NFATC2: variants seen among roughly 807,000 people sequenced by gnomAD.
NFATC2 encodes nuclear factor of activated T cells 2, also known as nuclear factor of activated T-cells, cytoplasmic 2.
Under a neutral mutation model 87.3 loss-of-function variants are expected in NFATC2, and 22 were observed. The ratio of observed to expected loss-of-function variants is 0.25; its 90% CI spans 0.18 to 0.36. NFATC2 has a LOEUF of 0.36. Among genes scored for constraint, NFATC2 ranks in the 10% least tolerant of loss-of-function variants. The probability of loss-of-function intolerance (pLI) is 1.00; values close to 1 mark genes in which losing one functional copy is unlikely to be tolerated. For synonymous variants in NFATC2, 565 were observed against 542.2 expected (o/e 1.04, Z -0.58); for missense variants, 1,149 against 1,259.1 (o/e 0.91, Z 1.32).
chr20:51,543,758 C>T (rs2076861710), upstream of NFATC2, among the ~76,000 whole-genome samples: 1 of 152,110 alleles, frequency 6.6e-6, no homozygotes, highest in African/African-American at 2.4e-5. Context: ...GTACATTTGG[C>T]AAACACTGCA....
At chr20:51,530,059 A>T (rs2076608060) in intron 1 of NFATC2, among the ~76,000 whole-genome samples, 1 of 152,156 alleles carries the variant, frequency 6.6e-6, no homozygotes, top group Non-Finnish European at 1.5e-5. Flanking sequence ...CATTTCCAAG[A>T]CCCCAGAAAG....
At chr20:51,443,173 C>CG (rs1555877920) in intron 6 of NFATC2, among the ~76,000 whole-genome samples, 12 of 152,148 alleles carry the variant, frequency 7.9e-5, no homozygotes, top group East Asian at 3.9e-4. Context: ...GGAGACCCCC[C>CG]CTTCATCCTA....
chr20:51,527,501 G>A (rs989598493), intron 1 of NFATC2, among the ~76,000 whole-genome samples: 11 of 151,436 alleles, frequency 7.3e-5, no homozygotes, highest in Middle Eastern at 3.2e-3. Context: ...CCCTTCCCTC[G>A]ACCTCGAGAT....
At chr20:51,416,226 C>A (rs1258710183) in intron 9 of NFATC2, among the ~76,000 whole-genome samples, 1 of 152,146 alleles carries the variant, frequency 6.6e-6, no homozygotes, top group Non-Finnish European at 1.5e-5. Context: ...CACACCGCTG[C>A]ACTCCAGTCT....
chr20:51,495,769 C>G (rs995843031), intron 3 of NFATC2, among the ~76,000 whole-genome samples: 1 of 152,154 alleles, frequency 6.6e-6, no homozygotes, highest in Non-Finnish European at 1.5e-5. Flanking sequence ...AGAGAGCTCA[C>G]GTCCCATGCA....
intron 3 of NFATC2, among the ~76,000 whole-genome samples, chr20:51,507,852 G>A (rs1402983532): frequency 6.6e-6 from 1 of 152,210 alleles, no homozygotes; most frequent in Non-Finnish European, 1.5e-5. Flanking sequence ...TTCCTTGCCT[G>A]TAAAATGAGC....
rs573889557 is a variant in NFATC2 at position 51,399,849 on chromosome 20, C to A, written c.2723-1119G>T. Among the ~76,000 whole-genome samples, 3 of 152,286 alleles carry A rather than the reference C, an allele frequency of 2.0e-5. No homozygotes were observed. In the South Asian group the frequency reaches 6.2e-4, roughly 32 times the overall value. On this transcript the variant is annotated intron_variant, in intron 9 of 10. Coordinates refer to ENST00000371564, the MANE Select transcript of NFATC2 (RefSeq NM_012340.5). ...GTACTGTCGGATAATTCACTCAGGG[C>A]CTTAAAATACCACCTCTATCCTGAC...
chr20:51,555,107 A>T (rs962698878), intron 1 of NFATC2, among the ~76,000 whole-genome samples: 2 of 152,256 alleles, frequency 1.3e-5, no homozygotes, highest in East Asian at 1.9e-4. Flanking sequence ...AGCCATCTTC[A>T]TCTCCTGCCT....
rs1210174951 is a variant in NFATC2 at position 51,523,944 on chromosome 20, G to T, written c.297C>A (p.Ser99Arg). 2 of 1,595,154 alleles carry T rather than the reference G, an allele frequency of 1.3e-6. No homozygotes were observed. The highest frequency in any genetic ancestry group is 1.7e-6 in the Non-Finnish European group (2 of 1,174,926). ...PDRVGPQKFL[S>R]AAKPAGASGL... ...CCGAGGCCCCTGCTGGCTTGGCCGC[G>T]CTCAGAAACTTCTGCGGCCCTACCC... is the stretch of plus-strand genomic sequence containing the variant. The change falls in exon 2 of 11, where the codon AGC becomes AGA. Residue 99 changes from serine (S) to arginine (R), a missense_variant. By Grantham distance (110) the Ser-to-Arg change is moderately radical (BLOSUM62 -1). Around this residue, in one of 3 missense-constraint regions of NFATC2, gnomAD observed 563 missense variants for 585.2 expected, o/e 0.96. Transcript: ENST00000371564. The surrounding 1 kb of genome is among the most constrained non-coding windows in gnomAD (Gnocchi z 6.9).
At chr20:51,409,247 A>G (rs1423564572) in intron 9 of NFATC2, among the ~76,000 whole-genome samples, 1 of 152,204 alleles carries the variant, frequency 6.6e-6, no homozygotes, top group Non-Finnish European at 1.5e-5. Context: ...CCCTACAGAA[A>G]GTCCTCTGTG....
chr20:51,514,272 A>G (rs932762149), intron 3 of NFATC2, among the ~76,000 whole-genome samples: 2 of 152,260 alleles, frequency 1.3e-5, no homozygotes, highest in African/African-American at 4.8e-5. Flanking sequence ...TAATCAGTGA[A>G]TGAAGATGCC....
At chr20:51,534,645 TA>T (rs1413896739) in intron 1 of NFATC2, among the ~76,000 whole-genome samples, 3 of 152,242 alleles carry the variant, frequency 2.0e-5, no homozygotes, top group African/African-American at 4.8e-5. Context: ...CATTAATTTT[TA>T]AAATATGCAT....
At chr20:51,540,647 G>GTTTTTTTTGTTTTTTTTTTTTTTTT (rs2076793590) in intron 1 of NFATC2, among the ~76,000 whole-genome samples, 1 of 112,974 alleles carries the variant, frequency 8.9e-6, no homozygotes, top group African/African-American at 4.4e-5. Flanking sequence ...AAAAACTGAA[G>GTTTTTTTTGTTTTTTTTTTTTTTTT]TTTTTTTTTT....
intron 10 of NFATC2, 24 bp from the exon 11 acceptor site, chr20:51,391,475 G>GC (rs778045810): frequency 5.0e-6 from 8 of 1,587,888 alleles, no homozygotes; most frequent in Non-Finnish European, 6.9e-6. Flanking sequence ...GAGGAGGGGG[G>GC]GGGAGAGAGA....
At chr20:51,532,412 C>T (rs969952471) in intron 1 of NFATC2, among the ~76,000 whole-genome samples, 2 of 152,078 alleles carry the variant, frequency 1.3e-5, no homozygotes, top group Non-Finnish European at 2.9e-5. Flanking sequence ...AAGCAAGGAT[C>T]CCCCCCGGAA....
At position 51,557,995 on chromosome 20, in the gene NFATC2, T is replaced by A. The variant is rs1415049082; in HGVS notation, c.70+4565A>T. ...AGCAGAGCCCAGAGGAGGCCTCCCA[T>A]CCAGGCTGGGCAGTCAGAGATTCTC... is the stretch of plus-strand genomic sequence containing the variant. On this transcript the variant is annotated intron_variant, in intron 1 of 10. Transcript: ENST00000414705. Among the ~76,000 whole-genome samples the A allele has an allele frequency of 2.0e-5, 3 of 152,212 alleles. No individual in the cohort carries two copies. In the Middle Eastern group the frequency reaches 0.01, roughly 518 times the overall value.
chr20:51,530,951 A>G (rs1420042235), intron 1 of NFATC2, among the ~76,000 whole-genome samples: 1 of 152,208 alleles, frequency 6.6e-6, no homozygotes, highest in Non-Finnish European at 1.5e-5. Context: ...GGAGTCTTAC[A>G]TCAATAATTA....
At chr20:51,392,234 C>T (rs959181303) in intron 10 of NFATC2, among the ~76,000 whole-genome samples, 3 of 152,232 alleles carry the variant, frequency 2.0e-5, no homozygotes, top group Non-Finnish European at 2.9e-5. Flanking sequence ...CCCCCAAAGA[C>T]TGACTAGCCA....
intron 1 of NFATC2, among the ~76,000 whole-genome samples, chr20:51,539,664 TA>T (rs1269907079): frequency 2.0e-5 from 3 of 152,180 alleles, no homozygotes; most frequent in Non-Finnish European, 2.9e-5. Flanking sequence ...CTAATTGTTT[TA>T]TTTTTTTATT....
Sources: allele counts gnomAD v4.1 joint callset (sites outside exome capture counted in the v4.1 genomes callset), GRCh38; gene constraint gnomAD v4.1.1; regional missense constraint gnomAD v4.1.1; non-coding constraint Gnocchi (gnomAD v3.1); transcripts MANE v1.5; gene names NCBI Gene and HGNC (gene_info 2026-07-23, HGNC 2026-07-21).